Variants in MYRIP observed in about 807,000 individuals in gnomAD.
MYRIP encodes the protein myosin VIIA and Rab interacting protein.
A neutral mutation model predicts 98.0 loss-of-function variants in MYRIP; 49 were observed. That is an observed-to-expected ratio of 0.50 (90% confidence interval 0.40 to 0.63). MYRIP has a LOEUF of 0.63. Among genes scored for constraint, MYRIP ranks in the 30% least tolerant of loss-of-function variants. MYRIP has a pLI of 0.00. For missense variants in MYRIP, 1,004 were observed against 1,058.2 expected (o/e 0.95, Z 0.71); for synonymous variants, 404 against 409.5 (o/e 0.99, Z 0.16).
At chr3:40,178,912 C>A (rs1395218730) in intron 8 of MYRIP, among the ~76,000 whole-genome samples, 1 of 152,114 alleles carries the variant, frequency 6.6e-6, no homozygotes, top group African/African-American at 2.4e-5. Flanking sequence ...TCCATGGACT[C>A]CCCCTGCAGC....
chr3:40,229,619 C>A (rs1227083045), intron 11 of MYRIP, among the ~76,000 whole-genome samples: 1 of 152,230 alleles, frequency 6.6e-6, no homozygotes, highest in African/African-American at 2.4e-5. Context: ...TCAGATCTTA[C>A]CTTCCTGTTC....
chr3:39,836,516 C>A (rs1941631018), intron 1 of MYRIP, among the ~76,000 whole-genome samples: 1 of 152,080 alleles, frequency 6.6e-6, no homozygotes, highest in Non-Finnish European at 1.5e-5. Flanking sequence ...GGATAGATTG[C>A]AAAAATTTTC....
At position 40,169,997 on chromosome 3, in the gene MYRIP, G is replaced by A. The variant is rs1950578876; in HGVS notation, c.777G>A (p.Glu259=). Reference sequence around the variant, plus strand: ...AAAGTGAGCAGCAAGTGGAAGAAGAGCCAGGATGGCCACATCCCCAGAGTT... The same window carrying A: ...AAAGTGAGCAGCAAGTGGAAGAAGAACCAGGATGGCCACATCCCCAGAGTT... ...KSKSEQQVEE[E]PGWPHPQSCS... The change falls in exon 8 of 17, where the codon GAG becomes GAA. Residue 259 remains glutamate (E), a synonymous_variant. Transcript: ENST00000302541. 6.2e-7 allele frequency: 1 copy of A among 1,614,232 alleles called. No homozygotes were observed. Among genetic ancestry groups the A allele is most frequent in the Non-Finnish European group, 8.5e-7 (1 of 1,180,046 alleles).
At chr3:39,909,161 G>T (rs1943955913) in intron 2 of MYRIP, among the ~76,000 whole-genome samples, 2 of 152,172 alleles carry the variant, frequency 1.3e-5, no homozygotes, top group Admixed American at 6.5e-5. Context: ...GGAGGAGACA[G>T]AACTGGGAGA....
intron 4 of MYRIP, among the ~76,000 whole-genome samples, chr3:40,162,209 A>T (rs573725462): frequency 1.3e-5 from 2 of 152,062 alleles, no homozygotes; most frequent in Non-Finnish European, 2.9e-5. Context: ...ATATATTTAT[A>T]TAAGTATTTG....
intron 1 of MYRIP, among the ~76,000 whole-genome samples, chr3:39,888,613 G>C (rs532238560): frequency 2.6e-5 from 4 of 152,304 alleles, no homozygotes; most frequent in Admixed American, 2.6e-4. Flanking sequence ...CAGGACATAC[G>C]CATGAGCAAG....
At chr3:39,972,198 A>G (rs1489985680) in intron 2 of MYRIP, among the ~76,000 whole-genome samples, 2 of 152,074 alleles carry the variant, frequency 1.3e-5, no homozygotes, top group Admixed American at 1.3e-4. Context: ...GAATAAATAC[A>G]GATATTCACC....
At chr3:40,151,835 A>G (rs1950129263) in intron 4 of MYRIP, among the ~76,000 whole-genome samples, 1 of 151,702 alleles carries the variant, frequency 6.6e-6, no homozygotes, top group African/African-American at 2.4e-5. Flanking sequence ...CTGGTGGCAG[A>G]TTTTTTTTTC....
chr3:39,829,333 T>C (rs1214214927), intron 1 of MYRIP, among the ~76,000 whole-genome samples: 1 of 152,248 alleles, frequency 6.6e-6, no homozygotes, highest in Non-Finnish European at 1.5e-5. Flanking sequence ...CCTACACATC[T>C]AGTGGAACAG....
At chr3:40,077,702 A>G (rs568149575) in intron 3 of MYRIP, among the ~76,000 whole-genome samples, 2 of 152,218 alleles carry the variant, frequency 1.3e-5, no homozygotes, top group Non-Finnish European at 2.9e-5. Context: ...AGGCCCCACC[A>G]CAGTAGCTAG....
In MYRIP at chr3:40,250,492, G is replaced by T; in HGVS notation, c.2421G>T (p.Pro807=). 6.2e-7 allele frequency: 1 copy of T among 1,614,144 alleles called. No homozygotes were observed. ...RQQRRKLPAP[P]VKAEKIETSS... Reference sequence around the variant, plus strand: ...AAAGGAGGAAACTGCCTGCTCCACCGGTGAAAGGTATGCTAAATTAAAACC... The same window carrying T: ...AAAGGAGGAAACTGCCTGCTCCACCTGTGAAAGGTATGCTAAATTAAAACC... Residue 807 remains proline (P), a synonymous_variant, in exon 15 of 17, where the codon CCG becomes CCT. Coordinates refer to ENST00000302541, the MANE Select transcript of MYRIP (RefSeq NM_015460.4).
intron 2 of MYRIP, among the ~76,000 whole-genome samples, chr3:39,931,373 G>A (rs1944532821): frequency 6.7e-6 from 1 of 150,152 alleles, no homozygotes; most frequent in Non-Finnish European, 1.5e-5. Context: ...TTTTTATATT[G>A]ATCTTTTACT....
intron 12 of MYRIP, among the ~76,000 whole-genome samples, chr3:40,235,764 C>A (rs954695113): frequency 6.6e-6 from 1 of 152,160 alleles, no homozygotes; most frequent in Non-Finnish European, 1.5e-5. Context: ...AGCCATGCCT[C>A]AGAGTCAGGG....
chr3:39,933,357 A>C (rs1005582720), intron 2 of MYRIP, among the ~76,000 whole-genome samples: 2 of 152,252 alleles, frequency 1.3e-5, no homozygotes, highest in South Asian at 4.1e-4. Context: ...CTGAAATTGT[A>C]CAGAAAATGT....
chr3:39,972,181 C>T (rs973935193), intron 2 of MYRIP, among the ~76,000 whole-genome samples: 7 of 152,004 alleles, frequency 4.6e-5, no homozygotes, highest in African/African-American at 1.7e-4. Flanking sequence ...CTCACAAAGA[C>T]ATTCTGGAAT....
Position 40,212,241 on chromosome 3 carries a change from C to CATATAT in MYRIP, c.1905+2149_1905+2150insTATATA, listed in dbSNP as rs1164328133. Reference sequence around the variant, plus strand: ...ATATATATATACACACACACACACACACACATATATATATATACACGTATA... The same window carrying CATATAT: ...ATATATATATACACACACACACACACATATATACACATATATATATATACACGTATA... On this transcript the variant is annotated intron_variant, in intron 11 of 16. Transcript: ENST00000302541. 3.3e-4 allele frequency among the ~76,000 whole-genome samples: 6 copies of CATATAT among 18,304 alleles called. 2 individuals are homozygous for CATATAT. The highest frequency in any genetic ancestry group is 4.4e-3 in the East Asian group (2 of 452). The allele number at this position is 18,304 out of a possible 152,430, so 12.0% of individuals were successfully genotyped here.
chr3:40,060,850 C>T (rs1462275985), intron 3 of MYRIP, among the ~76,000 whole-genome samples: 1 of 152,144 alleles, frequency 6.6e-6, no homozygotes, highest in Non-Finnish European at 1.5e-5. Context: ...GCCTCGGCCT[C>T]CCAAAGTGCT....
At chr3:40,188,387 A>T (rs946807160) in intron 9 of MYRIP, among the ~76,000 whole-genome samples, 6 of 151,644 alleles carry the variant, frequency 4.0e-5, no homozygotes, top group Non-Finnish European at 8.8e-5. Flanking sequence ...CCCAAAGCAG[A>T]TGTCCACACA....
At chr3:40,183,027 C>T (rs568483289) in intron 9 of MYRIP, among the ~76,000 whole-genome samples, 1 of 152,216 alleles carries the variant, frequency 6.6e-6, no homozygotes. Flanking sequence ...GCTCTATCAT[C>T]CTCCAGGGCC....
Sources: gnomAD v4.1 joint callset for allele counts (sites outside exome capture counted in the v4.1 genomes callset) on GRCh38, gnomAD v4.1.1 for gene constraint, MANE v1.5 for transcripts, NCBI Gene and HGNC (gene_info 2026-07-23, HGNC 2026-07-21) for gene names.